TUBGCP3: variants seen among roughly 807,000 people sequenced by gnomAD.
TUBGCP3 encodes the protein gamma-tubulin complex component 3.
In TUBGCP3, 50 loss-of-function variants were observed where a neutral mutation model predicts 123.1. That is an observed-to-expected ratio of 0.41 (90% CI 0.32 to 0.51). TUBGCP3 has a LOEUF of 0.51. TUBGCP3 is among the 20% of genes least tolerant of loss of function. The pLI is 0.36. For missense variants in TUBGCP3, 882 were observed against 1,127.0 expected (o/e 0.78, Z 3.11); for synonymous variants, 405 against 413.9 (o/e 0.98, Z 0.26).
At chr13:112,583,576 A>G (rs1051363263) in intron 1 of TUBGCP3, among the ~76,000 whole-genome samples, 2 of 152,260 alleles carry the variant, frequency 1.3e-5, no homozygotes, top group Non-Finnish European at 2.9e-5. Flanking sequence ...AAAAGATTCT[A>G]TATACACTCA....
At chr13:112,584,960 G>A (rs1360321681) in intron 1 of TUBGCP3, among the ~76,000 whole-genome samples, 1 of 152,220 alleles carries the variant, frequency 6.6e-6, no homozygotes, top group Non-Finnish European at 1.5e-5. Flanking sequence ...GTTGGAAAAG[G>A]TGGTAAATCA....
At chr13:112,504,818 G>A in intron 17 of TUBGCP3, 104 bp from the exon 18 acceptor site, 2 of 925,782 alleles carry the variant, frequency 2.2e-6, no homozygotes, top group South Asian at 1.5e-5. Flanking sequence ...CAAAAAATCA[G>A]TCATTTAAAT....
intron 20 of TUBGCP3, among the ~76,000 whole-genome samples, chr13:112,491,932 C>T (rs1880128329): frequency 6.6e-6 from 1 of 152,206 alleles, no homozygotes; most frequent in South Asian, 2.1e-4. Flanking sequence ...AACCCAAGTC[C>T]CCTGATTGAT....
At chr13:112,601,310 G>T in the TUBGCP3 span, among the ~76,000 whole-genome samples, 53,953 of 151,584 alleles carry the variant, frequency 0.36, 10,951 homozygotes, top group African/African-American at 0.56. Context: ...CATCTTGCTC[G>T]TCCTCATATG....
chr13:112,565,716 C>T (rs1038846926), intron 2 of TUBGCP3, among the ~76,000 whole-genome samples: 5 of 152,170 alleles, frequency 3.3e-5, no homozygotes, highest in Non-Finnish European at 7.3e-5. Context: ...AGGTGGATCA[C>T]AAGGTCAGGA....
intron 2 of TUBGCP3, among the ~76,000 whole-genome samples, chr13:112,565,692 T>C (rs1168694677): frequency 6.6e-6 from 1 of 152,226 alleles, no homozygotes; most frequent in Non-Finnish European, 1.5e-5. Context: ...CCCAGCACTT[T>C]GGGAGACCGA....
Position 112,518,771 on chromosome 13 carries a change from AAAT to A in TUBGCP3, c.1950+201_1950+203del, listed in dbSNP as rs1176895609. On this transcript the variant is annotated intron_variant, in intron 16 of 21. Transcript: ENST00000261965. ...CAAATGATATTTTTAAGAATTTTTA[AAAT>A]AATAGAGCATTTCAGTACTCATTAA... Among the ~76,000 whole-genome samples, 11 of 152,360 alleles carry A rather than the reference AAAT, an allele frequency of 7.2e-5. No individual in the cohort carries two copies. The East Asian group carries it at 2.1e-3, about 29-fold the overall frequency.
chr13:112,504,313 C>CCCCG, intron 18 of TUBGCP3, 150 bp from the exon 19 acceptor site: 1 of 1,005,404 alleles, frequency 9.9e-7, no homozygotes, highest in Non-Finnish European at 1.4e-6. Context: ...CATGGCAAAA[C>CCCCG]CCCGTCTCTA....
At chr13:112,578,297 C>A (rs564325122) in intron 1 of TUBGCP3, among the ~76,000 whole-genome samples, 39 of 152,074 alleles carry the variant, frequency 2.6e-4, no homozygotes, top group African/African-American at 9.2e-4. Flanking sequence ...CGGTGGCTCA[C>A]GCCTGTAATC....
chr13:112,486,912 C>T (rs540141010), intron 21 of TUBGCP3, among the ~76,000 whole-genome samples: 14 of 152,346 alleles, frequency 9.2e-5, no homozygotes, highest in Admixed American at 2.6e-4. Context: ...CACCAAGCCC[C>T]GCCCAAGTCT....
intron 11 of TUBGCP3, among the ~76,000 whole-genome samples, chr13:112,534,678 A>C (rs1877893332): frequency 6.6e-6 from 1 of 151,936 alleles, no homozygotes; most frequent in Non-Finnish European, 1.5e-5. Flanking sequence ...ACCTCAACCT[A>C]GCAGGGAGGA....
In TUBGCP3 at chr13:112,558,417, A is replaced by G; in HGVS notation, c.331-4T>C. 3 of 1,542,004 alleles carry G rather than the reference A, an allele frequency of 1.9e-6. No homozygotes were observed. The highest frequency in any genetic ancestry group is 2.6e-6 in the Non-Finnish European group (3 of 1,134,110). The stretch of plus-strand genomic sequence containing the variant: ...ATAACGTAGCATAGCTAGAAACCTG[A>G]AAAGAGAAACACACTAAGAGCAGAG... On this transcript the variant is annotated splice_polypyrimidine_tract_variant and splice_region_variant and intron_variant, in intron 4 of 21. Transcript: ENST00000261965.
Position 112,527,280 on chromosome 13 carries a change from G to T in TUBGCP3, c.1446+94C>A, listed in dbSNP as rs959886621. On this transcript the variant is annotated intron_variant, in intron 12 of 21. Transcript: ENST00000261965. ...TCCAGAACGTTAACAATCTCAAAAC[G>T]CATGAAATTTTAACTGAAAATTGGT... The T allele has an allele frequency of 1.4e-5, 13 of 950,954 alleles. No homozygotes were observed. The African/African-American group carries it at 2.1e-4, about 16-fold the overall frequency. 58.9% of individuals were successfully genotyped at this position (950,954 alleles called of 1,614,324 possible). A position where few individuals can be genotyped will look rare whatever the true frequency, so the allele number is the denominator to read the frequency against.
At position 112,587,910 on chromosome 13, in the gene TUBGCP3, CTCCTGCCCAGGA is replaced by C. The variant is rs767015858; in HGVS notation, c.59_70del (p.Ile20_Arg23del). 2 of 1,593,344 alleles carry C rather than the reference CTCCTGCCCAGGA, an allele frequency of 1.3e-6. No individual in the cohort carries two copies. Among genetic ancestry groups the C allele is most frequent in the Non-Finnish European group, 1.7e-6 (2 of 1,171,700 alleles). ...GCGTCGCCCGGCCACTCTACCTTCGCTCCTGCCCAGGATCCTGCAGCACAGGTTCTGCAGCAG... is the reference window on the plus strand; with the variant it reads ...GCGTCGCCCGGCCACTCTACCTTCGCTCCTGCAGCACAGGTTCTGCAGCAG... On this transcript the variant is annotated inframe_deletion, in exon 1 of 22. Transcript: ENST00000261965.
chr13:112,604,084 T>A, the TUBGCP3 span: 3 of 152,224 alleles, frequency 2.0e-5, no homozygotes, highest in Non-Finnish European at 4.4e-5. Flanking sequence ...GGTGAACTCA[T>A]AGAATCACTA....
intron 1 of TUBGCP3, among the ~76,000 whole-genome samples, chr13:112,577,222 C>A (rs1423522471): frequency 1.3e-5 from 2 of 151,958 alleles, no homozygotes; most frequent in Non-Finnish European, 2.9e-5. Flanking sequence ...ACAATACAGG[C>A]AGAAAAAAAG....
rs142170204 is a variant in TUBGCP3 at position 112,545,831 on chromosome 13, G to A, written c.1203C>T (p.His401=). The A allele has an allele frequency of 5.1e-5, 82 of 1,613,988 alleles. No individual in the cohort carries two copies. In the South Asian group the frequency reaches 7.7e-4, roughly 15 times the overall value. Residue 401 remains histidine, a synonymous_variant, in exon 11 of 22, where the codon CAC becomes CAT. Transcript: ENST00000261965. The surrounding 1 kb of genome is among the most constrained non-coding windows in gnomAD (Gnocchi z 4.1). ...ACGGGTCTCCTGTTTTTGTGTAGGC[G>A]TGGACAGCTGAGGCCAGCTCACCTC... ...RKGGELASAV[H]AYTKTGDPYM... is the part of the protein sequence containing the mutation.
chr13:112,540,891 A>G (rs1260502209), intron 11 of TUBGCP3, among the ~76,000 whole-genome samples: 1 of 152,240 alleles, frequency 6.6e-6, no homozygotes, highest in Non-Finnish European at 1.5e-5. Context: ...GCTGATTTGA[A>G]TATTATACTC....
intron 8 of TUBGCP3, among the ~76,000 whole-genome samples, chr13:112,551,048 G>A (rs560827523): frequency 5.3e-5 from 8 of 152,034 alleles, no homozygotes; most frequent in African/African-American, 1.4e-4. Context: ...GCAGTGAGCC[G>A]AGATCGCGCC....
Sources: allele counts gnomAD v4.1 joint callset (sites outside exome capture counted in the v4.1 genomes callset), GRCh38; gene constraint gnomAD v4.1.1; non-coding constraint Gnocchi (gnomAD v3.1); transcripts MANE v1.5; gene names NCBI Gene and HGNC (gene_info 2026-07-23, HGNC 2026-07-21).